Variants in PTK2B observed in about 807,000 individuals in gnomAD.
PTK2B encodes the protein protein-tyrosine kinase 2-beta.
Under a neutral mutation model 142.9 loss-of-function variants are expected in PTK2B, and 71 were observed. That is an observed-to-expected ratio of 0.50 (90% CI 0.41 to 0.61). The LOEUF (loss-of-function observed/expected upper bound fraction) is 0.61. PTK2B is among the 20% of genes least tolerant of loss of function. PTK2B has a pLI of 0.00. For missense variants in PTK2B, 1,105 were observed against 1,320.4 expected (o/e 0.84, Z 2.53); for synonymous variants, 519 against 503.4 (o/e 1.03, Z -0.42).
chr8:27,402,630 A>C (rs1313710337), intron 2 of PTK2B, among the ~76,000 whole-genome samples: 3 of 152,206 alleles, frequency 2.0e-5, no homozygotes, highest in African/African-American at 7.2e-5. Context: ...AGCATATCCC[A>C]AAACACAGGT....
At chr8:27,454,891 C>T (rs1398074006) in intron 30 of PTK2B, among the ~76,000 whole-genome samples, 9 of 152,184 alleles carry the variant, frequency 5.9e-5, no homozygotes, top group Non-Finnish European at 1.3e-4. Flanking sequence ...CTTCCTTTCC[C>T]CCCTCCTATT....
At chr8:27,412,283 C>A (rs543226579) in intron 2 of PTK2B, among the ~76,000 whole-genome samples, 28 of 152,288 alleles carry the variant, frequency 1.8e-4, no homozygotes, top group African/African-American at 6.7e-4. Flanking sequence ...TCTCTGATTA[C>A]CCGGTTGGTC....
chr8:27,310,766 C>T (rs760822544), upstream of PTK2B: 2 of 1,539,920 alleles, frequency 1.3e-6, no homozygotes, highest in Middle Eastern at 2.0e-4. Flanking sequence ...GTTCCAGACC[C>T]GGCTCGGCCG....
At chr8:27,350,570 G>A (rs1019163210) in intron 1 of PTK2B, among the ~76,000 whole-genome samples, 1 of 128,646 alleles carries the variant, frequency 7.8e-6, no homozygotes, top group Non-Finnish European at 1.9e-5. Flanking sequence ...GCAAAGATCA[G>A]TAGAGCCTCC....
Position 27,430,877 on chromosome 8 carries a change from C to T in PTK2B, c.671C>T (p.Pro224Leu). 6.2e-7 allele frequency: 1 copy of T among 1,613,696 alleles called. No homozygotes were observed. The highest frequency in any genetic ancestry group is 1.1e-5 in the South Asian group (1 of 91,032). The change falls in exon 8 of 31, where the codon CCC becomes CTC. Residue 224 changes from proline to leucine, a missense_variant and splice_region_variant. Physicochemically the swap from Pro to Leu is moderately conservative, Grantham distance 98 (BLOSUM62 -3). Coordinates refer to ENST00000346049, the MANE Select transcript of PTK2B (RefSeq NM_173176.3). ...CACACGGCCCATCCCCTCCCCCAGC[C>T]CAAACAGTTCCGGAAGATGATCCAG... ...FPKQMQENLKPKQFRKMIQQT... is the reference protein window; with the variant it reads ...FPKQMQENLKLKQFRKMIQQT...
At chr8:27,396,908 T>C (rs1808082646) in intron 1 of PTK2B, among the ~76,000 whole-genome samples, 1 of 152,208 alleles carries the variant, frequency 6.6e-6, no homozygotes, top group Non-Finnish European at 1.5e-5. Flanking sequence ...GCTGTTCCTC[T>C]TGAATCCTCC....
intron 3 of PTK2B, among the ~76,000 whole-genome samples, chr8:27,315,906 A>G (rs573799807): frequency 2.6e-5 from 4 of 151,860 alleles, no homozygotes; most frequent in Non-Finnish European, 4.4e-5. Flanking sequence ...ACCAACTTAG[A>G]TGCTCTGAAA....
chr8:27,343,085 G>A (rs1053098211), intron 1 of PTK2B, among the ~76,000 whole-genome samples: 4 of 152,100 alleles, frequency 2.6e-5, no homozygotes, highest in East Asian at 3.9e-4. Context: ...GATCTGTATC[G>A]CTCAGGGATC....
At chr8:27,435,457 G>A (rs577354387) in intron 13 of PTK2B, among the ~76,000 whole-genome samples, 48 of 152,350 alleles carry the variant, frequency 3.2e-4, no homozygotes, top group African/African-American at 1.2e-3. Context: ...AATCTTTATA[G>A]CATCCCCCAA....
intron 2 of PTK2B, among the ~76,000 whole-genome samples, chr8:27,415,875 A>T (rs1395187163): frequency 6.6e-6 from 1 of 152,172 alleles, no homozygotes; most frequent in Admixed American, 6.5e-5. Context: ...ACTAAAAGAA[A>T]ATAAAGAAGA....
chr8:27,447,957 G>T (rs1281068306), intron 24 of PTK2B, among the ~76,000 whole-genome samples: 1 of 152,242 alleles, frequency 6.6e-6, no homozygotes, highest in South Asian at 2.1e-4. Context: ...GGGGGGAGGC[G>T]CTGCTTTCAA....
At chr8:27,330,432 T>C (rs1163978705) in intron 1 of PTK2B, among the ~76,000 whole-genome samples, 2 of 152,230 alleles carry the variant, frequency 1.3e-5, no homozygotes, top group Non-Finnish European at 2.9e-5. Context: ...AATCCCACTC[T>C]CAGTTCACTG....
chr8:27,380,073 T>G (rs1806919932), intron 1 of PTK2B, among the ~76,000 whole-genome samples: 1 of 152,196 alleles, frequency 6.6e-6, no homozygotes. Context: ...TTTGTTATTG[T>G]TGTTTATTAT....
chr8:27,326,701 C>CTT (rs977827126), intron 1 of PTK2B: 1 of 152,806 alleles, frequency 6.5e-6, no homozygotes, highest in Non-Finnish European at 1.5e-5. Flanking sequence ...AAGGCCCTGT[C>CTT]TTTCCCAACC....
At chr8:27,334,436 C>T (rs189008134) in intron 1 of PTK2B, among the ~76,000 whole-genome samples, 174 of 152,334 alleles carry the variant, frequency 1.1e-3, no homozygotes, top group African/African-American at 4.1e-3. Flanking sequence ...GCCCCATGCA[C>T]TTCACCAGTC....
At chr8:27,324,968 G>A (rs1339768063), upstream of PTK2B, among the ~76,000 whole-genome samples, 2 of 152,316 alleles carry the variant, frequency 1.3e-5, no homozygotes, top group South Asian at 2.1e-4. Flanking sequence ...AACTATTCTT[G>A]TGCTGTCCTC....
chr8:27,419,103 G>C (rs1308447760), intron 2 of PTK2B, among the ~76,000 whole-genome samples: 2 of 152,186 alleles, frequency 1.3e-5, no homozygotes, highest in Non-Finnish European at 2.9e-5. Flanking sequence ...GCAGCTGCCC[G>C]GTTGGCCCAC....
chr8:27,397,085 A>G (rs897762510), intron 1 of PTK2B, among the ~76,000 whole-genome samples: 3 of 151,970 alleles, frequency 2.0e-5, no homozygotes, highest in Non-Finnish European at 2.9e-5. Context: ...CCTCGGGGCC[A>G]CTTCTTCTCC....
chr8:27,388,299 A>G (rs528047305), intron 1 of PTK2B, among the ~76,000 whole-genome samples: 25 of 152,350 alleles, frequency 1.6e-4, no homozygotes, highest in Admixed American at 1.6e-3. Context: ...AGAGGGAAGG[A>G]AAAAGCTGAG....
Sources: allele counts gnomAD v4.1 joint callset (sites outside exome capture counted in the v4.1 genomes callset), GRCh38; gene constraint gnomAD v4.1.1; transcripts MANE v1.5; gene names NCBI Gene and HGNC (gene_info 2026-07-23, HGNC 2026-07-21).